FER1L6: variants seen among roughly 807,000 people sequenced by gnomAD.
FER1L6 encodes the protein fer-1-like protein 6.
FER1L6 carries 177 observed loss-of-function variants against 219.2 expected under a neutral mutation model. The observed-to-expected ratio is 0.81, with a 90% CI of 0.71 to 0.91. The LOEUF (loss-of-function observed/expected upper bound fraction) is 0.91. Among genes scored for constraint, FER1L6 ranks in the 40% least tolerant of loss-of-function variants. The probability of loss-of-function intolerance (pLI) is 0.00; values close to 1 mark genes in which losing one functional copy is unlikely to be tolerated. For missense variants in FER1L6, 2,153 were observed against 2,259.9 expected (o/e 0.95, Z 0.96); for synonymous variants, 768 against 824.3 (o/e 0.93, Z 1.17).
chr8:123,929,739 C>T (rs1177286794), intron 1 of FER1L6, among the ~76,000 whole-genome samples: 1 of 152,110 alleles, frequency 6.6e-6, no homozygotes, highest in Non-Finnish European at 1.5e-5. Context: ...CATGAGGGGT[C>T]AGTACTACCA....
intron 1 of FER1L6, among the ~76,000 whole-genome samples, chr8:123,862,510 G>T (rs1299641630): frequency 7.1e-6 from 1 of 140,370 alleles, no homozygotes; most frequent in Non-Finnish European, 1.5e-5. Flanking sequence ...AGTTAGGGAG[G>T]ATTACCTCTT....
Position 123,980,756 on chromosome 8 carries a change from CAAACA to C in FER1L6, c.1360_1364del (p.Lys454Ter). On this transcript the variant is annotated frameshift_variant, in exon 11 of 41. Coordinates refer to ENST00000522917, the MANE Select transcript of FER1L6 (RefSeq NM_001039112.2). LOFTEE classifies it high-confidence loss of function. ...GAAGATGGAAAATCCCAACAGGCTT[CAAACA>C]AAACTAACTCAACCGAGGTGGAGGT... The C allele has an allele frequency of 1.9e-6, 3 of 1,614,142 alleles. No individual in the cohort carries two copies. Among genetic ancestry groups the C allele is most frequent in the Non-Finnish European group, 2.5e-6 (3 of 1,180,018 alleles).
chr8:123,949,389 C>T (rs1814648525), intron 1 of FER1L6, among the ~76,000 whole-genome samples: 1 of 152,104 alleles, frequency 6.6e-6, no homozygotes, highest in South Asian at 2.1e-4. Flanking sequence ...TCCATAGATC[C>T]TCTCTTAGTA....
chr8:124,087,442 T>A (rs1821830757), intron 33 of FER1L6, among the ~76,000 whole-genome samples: 1 of 152,192 alleles, frequency 6.6e-6, no homozygotes. Flanking sequence ...ACTCTCTTTG[T>A]TAAATTTATC....
intron 37 of FER1L6, among the ~76,000 whole-genome samples, chr8:124,099,007 A>T (rs182956273): frequency 7.9e-5 from 12 of 152,284 alleles, no homozygotes; most frequent in Non-Finnish European, 1.3e-4. Flanking sequence ...TTCTTTTTGA[A>T]ACACCTTCTT....
In FER1L6 at chr8:124,010,634, G is replaced by A. The variant is rs766462560; in HGVS notation, c.1741G>A (p.Val581Ile). The A allele has an allele frequency of 2.5e-6, 4 of 1,613,970 alleles. No homozygotes were observed. The highest frequency in any genetic ancestry group is 3.4e-6 in the Non-Finnish European group (4 of 1,179,994). Residue 581 changes from valine (V) to isoleucine (I), a missense_variant, in exon 14 of 41, where the codon GTC becomes ATC. Coordinates refer to ENST00000522917, the MANE Select transcript of FER1L6 (RefSeq NM_001039112.2). ...YLPFEAKKPC[V>I]YFISSWGDQT... ...GCCATTTGAGGCTAAGAAGCCCTGTGTCTATTTCATCAGCTCTTGGGGAGA... is the reference window on the plus strand; with the variant it reads ...GCCATTTGAGGCTAAGAAGCCCTGTATCTATTTCATCAGCTCTTGGGGAGA...
chr8:123,927,555 A>G (rs951282890), intron 1 of FER1L6, among the ~76,000 whole-genome samples: 26 of 152,218 alleles, frequency 1.7e-4, no homozygotes, highest in African/African-American at 6.0e-4. Flanking sequence ...CAAATTTTGT[A>G]ATAATTATCC....
intron 19 of FER1L6, among the ~76,000 whole-genome samples, 196 bp from the exon 20 acceptor site, chr8:124,039,686 A>G (rs540770483): frequency 5.4e-4 from 83 of 152,322 alleles, no homozygotes; most frequent in African/African-American, 1.9e-3. Flanking sequence ...GGCTGGGTTC[A>G]AAGTACCCCA....
rs536652427 is a variant in FER1L6 at position 124,009,797 on chromosome 8, C to G, written c.1701-797C>G. ...TTGTTGTAGTTCCAGGGTCAGGAAG[C>G]TGGAGACCCAGGGAGGAGAGGTCTT... is the stretch of plus-strand genomic sequence containing the variant. On this transcript the variant is annotated intron_variant, in intron 13 of 40. Coordinates refer to ENST00000522917, the MANE Select transcript of FER1L6 (RefSeq NM_001039112.2). Among the ~76,000 whole-genome samples the G allele has an allele frequency of 2.0e-4, 31 of 152,266 alleles. No individual in the cohort carries two copies. The South Asian group carries it at 6.4e-3, about 32-fold the overall frequency.
intron 10 of FER1L6, among the ~76,000 whole-genome samples, chr8:123,978,973 C>T (rs914465407): frequency 6.6e-6 from 1 of 152,144 alleles, no homozygotes; most frequent in African/African-American, 2.4e-5. Flanking sequence ...TGATGGCATT[C>T]AGGAAGATAT....
In FER1L6 at chr8:123,865,326, C is replaced by T. The variant is rs1253199952; in HGVS notation, c.-8+13141C>T. 2.7e-5 allele frequency among the ~76,000 whole-genome samples: 4 copies of T among 149,942 alleles called. 1 individual carries two copies. The highest frequency in any genetic ancestry group is 6.8e-3 in the Middle Eastern group (2 of 292). On this transcript the variant is annotated intron_variant, in intron 1 of 40. Transcript: ENST00000522917. Reference sequence around the variant, plus strand: ...GGGGTCAGGGACCCACTTGAGGAGGCAGTCTGCCCGTTCTCAGATCTCCAG... The same window carrying T: ...GGGGTCAGGGACCCACTTGAGGAGGTAGTCTGCCCGTTCTCAGATCTCCAG...
intron 31 of FER1L6, among the ~76,000 whole-genome samples, chr8:124,073,555 C>G (rs1438350638): frequency 6.6e-6 from 1 of 152,104 alleles, no homozygotes; most frequent in Non-Finnish European, 1.5e-5. Flanking sequence ...AGAAATAAAT[C>G]AAATTTCCCC....
chr8:124,022,238 G>T (rs1298116152), intron 17 of FER1L6, among the ~76,000 whole-genome samples: 3 of 152,178 alleles, frequency 2.0e-5, no homozygotes, highest in African/African-American at 7.2e-5. Flanking sequence ...ATTCCCTGGA[G>T]GCATATTACT....
At chr8:123,968,369 A>C (rs1289118585) in intron 5 of FER1L6, among the ~76,000 whole-genome samples, 1 of 152,174 alleles carries the variant, frequency 6.6e-6, no homozygotes, top group Non-Finnish European at 1.5e-5. Flanking sequence ...TCTTGACCTA[A>C]ATATTCAAGC....
intron 33 of FER1L6, among the ~76,000 whole-genome samples, chr8:124,084,079 A>G (rs1278177795): frequency 2.0e-5 from 3 of 151,786 alleles, no homozygotes; most frequent in Non-Finnish European, 4.4e-5. Flanking sequence ...CTGTTGGCAT[A>G]CAGAAATGCT....
At chr8:123,935,542 T>C (rs944316531) in intron 1 of FER1L6, among the ~76,000 whole-genome samples, 26 of 152,188 alleles carry the variant, frequency 1.7e-4, no homozygotes, top group African/African-American at 2.4e-5. Context: ...ACTAGCCTTA[T>C]CCATCACTGA....
At chr8:123,925,826 C>T (rs2129876600) in intron 1 of FER1L6, 3 of 152,256 alleles carry the variant, frequency 2.0e-5, no homozygotes, top group Middle Eastern at 3.4e-3. Context: ...ACATCAGCTC[C>T]ATGTACAGCT....
chr8:123,921,042 A>G (rs989036648), intron 1 of FER1L6, among the ~76,000 whole-genome samples: 6 of 152,208 alleles, frequency 3.9e-5, no homozygotes, highest in Admixed American at 1.3e-4. Context: ...TCATTGTTAT[A>G]GTACATTATA....
At chr8:124,081,466 A>G (rs1246509982) in intron 32 of FER1L6, among the ~76,000 whole-genome samples, 1 of 152,070 alleles carries the variant, frequency 6.6e-6, no homozygotes, top group African/African-American at 2.4e-5. Context: ...GCAAGTTGCT[A>G]GTGTTCTCTA....
Sources: allele counts gnomAD v4.1 joint callset (sites outside exome capture counted in the v4.1 genomes callset), GRCh38; gene constraint gnomAD v4.1.1; transcripts MANE v1.5; gene names NCBI Gene and HGNC (gene_info 2026-07-23, HGNC 2026-07-21).